ITPK1: variants seen among roughly 807,000 people sequenced by gnomAD.
The protein encoded by ITPK1 is inositol 1,3,4-trisphosphate 5/6-kinase.
In ITPK1, 21 loss-of-function variants were observed where a neutral mutation model predicts 45.3. That is an observed-to-expected ratio of 0.46 (90% confidence interval 0.33 to 0.67). The LOEUF is 0.67. Among genes scored for constraint, ITPK1 ranks in the 30% least tolerant of loss-of-function variants. ITPK1 has a pLI of 0.02. For synonymous variants in ITPK1, 258 were observed against 253.6 expected (o/e 1.02, Z -0.16); for missense variants, 474 against 573.5 (o/e 0.83, Z 1.77).
intron 5 of ITPK1, among the ~76,000 whole-genome samples, chr14:92,966,297 T>TGCTGGG (rs1424997072): frequency 6.6e-6 from 1 of 152,218 alleles, no homozygotes; most frequent in Non-Finnish European, 1.5e-5. Flanking sequence ...TGGCCTCAAC[T>TGCTGGG]GTATTTCTAT....
chr14:93,056,991 G>A (rs997974468), intron 3 of ITPK1, among the ~76,000 whole-genome samples: 2 of 152,200 alleles, frequency 1.3e-5, no homozygotes, highest in African/African-American at 4.8e-5. Context: ...GTGCTGCTGG[G>A]AGAGCACATC....
rs910132231 is a variant in ITPK1, at chr14:92,939,210, G to A, written c.*2351C>T. 6.6e-6 allele frequency: 1 copy of A among 152,382 alleles called. No homozygotes were observed. Among genetic ancestry groups the A allele is most frequent in the Non-Finnish European group, 1.5e-5 (1 of 68,144 alleles). 9.4% of individuals were successfully genotyped at this position (152,382 alleles called of 1,614,324 possible). ...GGCAGCGCCACCATGCTCTGGAGAA[G>A]AGGAGGCCGCCAGAGCCCGGGTGGT... is the stretch of plus-strand genomic sequence containing the variant. On this transcript the variant is annotated 3_prime_UTR_variant, in exon 11 of 11. Transcript: ENST00000267615.
intron 3 of ITPK1, among the ~76,000 whole-genome samples, chr14:93,058,084 C>A (rs979419832): frequency 1.3e-5 from 2 of 152,100 alleles, no homozygotes; most frequent in Non-Finnish European, 2.9e-5. Context: ...CAGCAGGGGA[C>A]CTGCCACTGG....
intron 9 of ITPK1, among the ~76,000 whole-genome samples, chr14:92,949,516 C>T (rs1321173284): frequency 6.6e-6 from 1 of 152,230 alleles, no homozygotes; most frequent in Non-Finnish European, 1.5e-5. Flanking sequence ...GTCAGAGAGA[C>T]CCTGGTGGAT....
rs545577286 is a variant in ITPK1 at position 93,077,057 on chromosome 14, C to T, written c.96-438G>A. ...AGGACCTGCCACAGCCAGTCATGCC[C>T]CAACCCATCCACTGCCACACACGGG... is the stretch of plus-strand genomic sequence containing the variant. On this transcript the variant is annotated intron_variant, in intron 2 of 10. Coordinates refer to ENST00000267615, the MANE Select transcript of ITPK1 (RefSeq NM_014216.6). Among the ~76,000 whole-genome samples, 10 of 152,296 alleles carry T rather than the reference C, an allele frequency of 6.6e-5. No homozygotes were observed. In the South Asian group the frequency reaches 1.9e-3, roughly 28 times the overall value.
At chr14:93,011,915 A>T (rs886340348) in intron 4 of ITPK1, among the ~76,000 whole-genome samples, 1 of 138,558 alleles carries the variant, frequency 7.2e-6, no homozygotes, top group African/African-American at 2.7e-5. Context: ...CAAGCTGCAC[A>T]GCCTGGCATG....
Position 92,940,725 on chromosome 14 carries a change from G to A in ITPK1, c.*836C>T, listed in dbSNP as rs747768457. The A allele has an allele frequency of 7.8e-7, 1 of 1,289,008 alleles. No homozygotes were observed. The highest frequency in any genetic ancestry group is 2.3e-5 in the Admixed American group (1 of 43,514). 79.8% of individuals were successfully genotyped at this position (1,289,008 alleles called of 1,614,324 possible). ...AAATGTCCACTAGAGACAAGGGGGT[G>A]GAGGCCCAAAGACCTGGAATGATTT... On this transcript the variant is annotated 3_prime_UTR_variant, in exon 11 of 11. Coordinates refer to ENST00000267615, the MANE Select transcript of ITPK1 (RefSeq NM_014216.6).
chr14:92,988,597 T>C (rs79489176), intron 5 of ITPK1, among the ~76,000 whole-genome samples: 10,855 of 152,152 alleles, frequency 0.071, 500 homozygotes, highest in Middle Eastern at 0.13. Context: ...TCCCTACCTA[T>C]CTTTGCCTCG....
intron 9 of ITPK1, among the ~76,000 whole-genome samples, chr14:92,948,997 G>A (rs979966019): frequency 4.6e-5 from 7 of 150,874 alleles, no homozygotes; most frequent in Admixed American, 2.0e-4. Flanking sequence ...CCTGCTCACA[G>A]CCTCAAGGCC....
intron 5 of ITPK1, among the ~76,000 whole-genome samples, chr14:92,963,293 T>C (rs1371517774): frequency 6.6e-6 from 1 of 152,248 alleles, no homozygotes; most frequent in East Asian, 1.9e-4. Flanking sequence ...GGCTTAATAA[T>C]AATCGCAGTG....
chr14:92,963,026 C>G (rs556623399), intron 5 of ITPK1, among the ~76,000 whole-genome samples, 177 bp from the exon 6 acceptor site: 2 of 152,322 alleles, frequency 1.3e-5, no homozygotes, highest in East Asian at 3.9e-4. Context: ...CACAGCCCTG[C>G]CGTTACATTG....
chr14:92,951,896 G>A lies in ITPK1; in HGVS notation c.738+50C>T, dbSNP rs539597916. 1.2e-5 allele frequency: 18 copies of A among 1,444,196 alleles called. No homozygotes were observed. The South Asian group carries it at 1.9e-4, about 16-fold the overall frequency. The allele number at this position is 1,444,196 out of a possible 1,614,324, so 89.5% of individuals were successfully genotyped here. On this transcript the variant is annotated intron_variant, in intron 9 of 10. Transcript: ENST00000267615. ...CATGGCCACAGCAGCCCACACCTAG[G>A]CCCACGGGAGGGCAGTTTCAGGCCA...
At chr14:93,037,704 G>A (rs1319272540) in intron 3 of ITPK1, among the ~76,000 whole-genome samples, 1 of 152,198 alleles carries the variant, frequency 6.6e-6, no homozygotes, top group Non-Finnish European at 1.5e-5. Context: ...GGGGCTCTAG[G>A]AACCCTTAAC....
intron 3 of ITPK1, among the ~76,000 whole-genome samples, chr14:93,035,740 C>T (rs574656054): frequency 1.3e-4 from 20 of 152,172 alleles, no homozygotes; most frequent in Non-Finnish European, 2.8e-4. Flanking sequence ...CCGACAGCAC[C>T]GTGAACAGCT....
rs1219258684 is a variant in ITPK1 at position 93,036,513 on chromosome 14, T to C, written c.121-19712A>G. 6.6e-6 allele frequency among the ~76,000 whole-genome samples: 1 copy of C among 151,108 alleles called. No homozygotes were observed. The highest frequency in any genetic ancestry group is 1.5e-5 in the Non-Finnish European group (1 of 67,706). The stretch of plus-strand genomic sequence containing the variant: ...GAGGCTGGTGGGAGCACGTGCCCCA[T>C]TTGACCCCCACGGCTCTTGCTGTTT... On this transcript the variant is annotated intron_variant, in intron 3 of 10. Coordinates refer to ENST00000267615, the MANE Select transcript of ITPK1 (RefSeq NM_014216.6). This position sits in a 1 kb window ranked among gnomAD's most constrained non-coding sequence, Gnocchi z 4.1.
chr14:92,981,777 T>C (rs1337550303), intron 5 of ITPK1, among the ~76,000 whole-genome samples: 1 of 152,064 alleles, frequency 6.6e-6, no homozygotes, highest in African/African-American at 2.4e-5. Flanking sequence ...AACAGTGGAA[T>C]GAATGTGCGA....
intron 7 of ITPK1, among the ~76,000 whole-genome samples, chr14:92,959,240 C>T (rs1016883975): frequency 6.6e-6 from 1 of 152,216 alleles, no homozygotes; most frequent in Non-Finnish European, 1.5e-5. Context: ...TAGGCCTAGC[C>T]GATCCAGCTG....
In ITPK1 at chr14:92,958,020, T is replaced by A. The variant is rs569891287; in HGVS notation, c.670+181A>T. On this transcript the variant is annotated intron_variant, in intron 8 of 10. Transcript: ENST00000267615. This position sits in a 1 kb window ranked among gnomAD's most constrained non-coding sequence, Gnocchi z 4.4. ...CAATGACCCAGGGAATAGGGACATT[T>A]TACTAGTTCCCCAAGACCTCTTTAT... Among the ~76,000 whole-genome samples, 35 of 152,190 alleles carry A rather than the reference T, an allele frequency of 2.3e-4. No individual in the cohort carries two copies. Among genetic ancestry groups the A allele is most frequent in the Non-Finnish European group, 2.9e-4 (20 of 67,978 alleles).
chr14:92,981,748 G>A (rs992697652), intron 5 of ITPK1, among the ~76,000 whole-genome samples: 3 of 152,214 alleles, frequency 2.0e-5, no homozygotes, highest in South Asian at 2.1e-4. Context: ...GGAAGACAGC[G>A]GCCAGCAGAC....
Sources: allele counts gnomAD v4.1 joint callset (sites outside exome capture counted in the v4.1 genomes callset), GRCh38; gene constraint gnomAD v4.1.1; non-coding constraint Gnocchi (gnomAD v3.1); transcripts MANE v1.5; gene names NCBI Gene and HGNC (gene_info 2026-07-23, HGNC 2026-07-21).